PRKG1: variants seen among roughly 807,000 people sequenced by gnomAD.
PRKG1 encodes the protein protein kinase cGMP-dependent 1.
Under a neutral mutation model 88.1 loss-of-function variants are expected in PRKG1, and 35 were observed. The ratio of observed to expected loss-of-function variants is 0.40; its 90% CI spans 0.30 to 0.53. PRKG1 has a LOEUF of 0.53. Ranked by LOEUF, PRKG1 falls within the 20% of genes least tolerant of loss-of-function variation. The pLI is 0.59. For synonymous variants in PRKG1, 303 were observed against 292.5 expected (o/e 1.04, Z -0.37); for missense variants, 540 against 839.8 (o/e 0.64, Z 4.41).
intron 3 of PRKG1, among the ~76,000 whole-genome samples, chr10:51,640,295 C>T (rs753077525): frequency 6.6e-6 from 1 of 152,028 alleles, no homozygotes; most frequent in Non-Finnish European, 1.5e-5. Context: ...AGCAGTAGTC[C>T]CTGATAAGAA....
chr10:52,133,980 AT>A (rs1305359543), intron 8 of PRKG1, 75 bp downstream of exon 8: 1 of 1,121,452 alleles, frequency 8.9e-7, no homozygotes, highest in Non-Finnish European at 1.3e-6. Context: ...ATTAGACATC[AT>A]TTTATGGAGC....
intron 1 of PRKG1, among the ~76,000 whole-genome samples, chr10:51,091,195 A>C (rs1318412102): frequency 6.6e-6 from 1 of 152,224 alleles, no homozygotes; most frequent in East Asian, 1.9e-4. Context: ...GTCATGTAAT[A>C]CAAGAAAGAT....
chr10:52,125,268 T>A (rs183204147), intron 7 of PRKG1, among the ~76,000 whole-genome samples: 27 of 152,294 alleles, frequency 1.8e-4, no homozygotes, highest in African/African-American at 6.0e-4. Flanking sequence ...TATTGTTGCA[T>A]ATGTGGTCTG....
intron 8 of PRKG1, among the ~76,000 whole-genome samples, 189 bp from the exon 9 acceptor site, chr10:52,161,700 G>A (rs1179658363): frequency 4.6e-5 from 7 of 151,974 alleles, no homozygotes; most frequent in Admixed American, 3.9e-4. Flanking sequence ...AGAAGAGGTC[G>A]GTAATTTCAT....
chr10:52,095,019 A>G (rs1847141367), intron 7 of PRKG1, among the ~76,000 whole-genome samples: 1 of 152,132 alleles, frequency 6.6e-6, no homozygotes, highest in Non-Finnish European at 1.5e-5. Context: ...CTTTTTGGCC[A>G]CTGGATTCTG....
At chr10:51,272,740 C>G (rs995054350) in intron 2 of PRKG1, among the ~76,000 whole-genome samples, 3 of 152,110 alleles carry the variant, frequency 2.0e-5, no homozygotes, top group African/African-American at 7.2e-5. Context: ...TGCAGCCCAG[C>G]CTCTGTGCGG....
intron 3 of PRKG1, among the ~76,000 whole-genome samples, chr10:51,791,974 G>A (rs1838880457): frequency 6.6e-6 from 1 of 152,116 alleles, no homozygotes; most frequent in Admixed American, 6.6e-5. Flanking sequence ...CTCTTAATTA[G>A]AGACGTGAAT....
chr10:51,918,667 T>A (rs1180836635), intron 5 of PRKG1, among the ~76,000 whole-genome samples: 1 of 152,134 alleles, frequency 6.6e-6, no homozygotes. Flanking sequence ...AAACAAATAG[T>A]GGATTTGTGT....
chr10:51,565,575 G>T (rs1236204516), intron 3 of PRKG1, among the ~76,000 whole-genome samples: 1 of 152,112 alleles, frequency 6.6e-6, no homozygotes, highest in Non-Finnish European at 1.5e-5. Context: ...GTTCAGATGA[G>T]TGCAAATTAG....
intron 3 of PRKG1, among the ~76,000 whole-genome samples, chr10:51,572,156 T>C (rs369770667): frequency 2.6e-5 from 4 of 151,936 alleles, no homozygotes; most frequent in Admixed American, 6.6e-5. Context: ...TTTGTAAATT[T>C]CTGAGTAAAA....
intron 9 of PRKG1, among the ~76,000 whole-genome samples, chr10:52,166,801 ATATATATG>A (rs1402057980): frequency 1.2e-3 from 2 of 1,714 alleles, no homozygotes; most frequent in Non-Finnish European, 4.8e-3. Context: ...ATATATACAT[ATATATATG>A]TATATATATG....
intron 3 of PRKG1, among the ~76,000 whole-genome samples, chr10:51,549,508 A>G (rs1315066800): frequency 6.6e-6 from 1 of 152,100 alleles, no homozygotes; most frequent in Non-Finnish European, 1.5e-5. Context: ...TAGGTTTATT[A>G]TTTAATCTCT....
intron 5 of PRKG1, among the ~76,000 whole-genome samples, chr10:52,021,966 G>A (rs1321189678): frequency 2.6e-5 from 4 of 152,070 alleles, no homozygotes; most frequent in Admixed American, 2.0e-4. Context: ...TGCACTAAAC[G>A]TAACTTGTCA....
chr10:51,407,496 G>C (rs775414869), intron 2 of PRKG1, among the ~76,000 whole-genome samples: 4 of 152,238 alleles, frequency 2.6e-5, no homozygotes, highest in African/African-American at 9.6e-5. Flanking sequence ...TACATGCACC[G>C]ACATGTTTTT....
At chr10:51,288,672 A>G (rs1481704649) in intron 2 of PRKG1, among the ~76,000 whole-genome samples, 1 of 152,186 alleles carries the variant, frequency 6.6e-6, no homozygotes, top group Non-Finnish European at 1.5e-5. Context: ...TATACATCTC[A>G]ACATACTCCA....
intron 3 of PRKG1, among the ~76,000 whole-genome samples, chr10:51,775,774 G>T (rs868276988): frequency 1.3e-5 from 2 of 151,804 alleles, no homozygotes; most frequent in Non-Finnish European, 2.9e-5. Flanking sequence ...ATAGAGACAG[G>T]GGTTTCACCA....
At chr10:51,449,040 A>G (rs1839355092) in intron 2 of PRKG1, among the ~76,000 whole-genome samples, 1 of 152,036 alleles carries the variant, frequency 6.6e-6, no homozygotes, top group African/African-American at 2.4e-5. Flanking sequence ...AGAAATCTCT[A>G]TAAATGAATT....
intron 2 of PRKG1, among the ~76,000 whole-genome samples, chr10:51,374,082 C>CG (rs1554801030): frequency 2.2e-4 from 21 of 95,586 alleles, no homozygotes; most frequent in Non-Finnish European, 4.0e-4. Context: ...GCAGAGGTTG[C>CG]AAAAAAAAAA....
intron 2 of PRKG1, among the ~76,000 whole-genome samples, chr10:51,221,347 T>C (rs1423325887): frequency 6.6e-6 from 1 of 152,148 alleles, no homozygotes; most frequent in Non-Finnish European, 1.5e-5. Context: ...AAATTATCTC[T>C]GTATTATTAT....
Sources: allele counts gnomAD v4.1 joint callset (sites outside exome capture counted in the v4.1 genomes callset), GRCh38; gene constraint gnomAD v4.1.1; transcripts MANE v1.5; gene names NCBI Gene and HGNC (gene_info 2026-07-23, HGNC 2026-07-21).